Variants in SLC28A3 observed in about 807,000 individuals in gnomAD.
The protein encoded by SLC28A3 is concentrative Na(+)-nucleoside cotransporter 3.
In SLC28A3, 68 loss-of-function variants were observed where a neutral mutation model predicts 84.2. The ratio of observed to expected loss-of-function variants is 0.81; its 90% CI spans 0.66 to 0.99. The LOEUF is 0.99. Among genes scored for constraint, SLC28A3 ranks in the 50% least tolerant of loss-of-function variants. The pLI is 0.00. For synonymous variants in SLC28A3, 267 were observed against 303.6 expected (o/e 0.88, Z 1.25); for missense variants, 712 against 841.5 (o/e 0.85, Z 1.90).
rs564329835 is a variant in SLC28A3 at position 84,297,357 on chromosome 9, T to C, written c.784-59A>G. ...AACCACATGACTGGAAATTAGACAGTGCACAGGAATGCTAGGCTCTCAGAG... is the reference window on the plus strand; with the variant it reads ...AACCACATGACTGGAAATTAGACAGCGCACAGGAATGCTAGGCTCTCAGAG... On this transcript the variant is annotated intron_variant, in intron 7 of 17. Coordinates refer to ENST00000376238, the MANE Select transcript of SLC28A3 (RefSeq NM_001199633.2). 2.5e-5 allele frequency: 34 copies of C among 1,338,868 alleles called. No homozygotes were observed. In the East Asian group the frequency reaches 3.9e-4, roughly 15 times the overall value. The allele number at this position is 1,338,868 out of a possible 1,614,324, so 82.9% of individuals were successfully genotyped here.
At chr9:84,341,747 G>C (rs1220121098), upstream of SLC28A3, among the ~76,000 whole-genome samples, 2 of 152,034 alleles carry the variant, frequency 1.3e-5, no homozygotes, top group Non-Finnish European at 2.9e-5. Flanking sequence ...AATTCACTTT[G>C]CTTTATGAAA....
At chr9:84,367,724 G>C in the SLC28A3 span, among the ~76,000 whole-genome samples, 9 of 152,284 alleles carry the variant, frequency 5.9e-5, no homozygotes, top group Non-Finnish European at 1.3e-4. Flanking sequence ...CAAGTAATCT[G>C]CATCATAAAT....
intron 4 of SLC28A3, 84 bp downstream of exon 4, chr9:84,305,170 T>A: frequency 8.7e-7 from 1 of 1,148,360 alleles, no homozygotes; most frequent in Admixed American, 2.3e-5. Flanking sequence ...TTAATCTTTT[T>A]CCACATAAAG....
intron 4 of SLC28A3, among the ~76,000 whole-genome samples, chr9:84,303,139 A>G (rs1825686502): frequency 6.6e-6 from 1 of 152,196 alleles, no homozygotes; most frequent in African/African-American, 2.4e-5. Flanking sequence ...TGAGTTCCCA[A>G]CCATGACAGG....
intron 1 of SLC28A3, among the ~76,000 whole-genome samples, chr9:84,330,623 T>C (rs1294125600): frequency 6.6e-6 from 1 of 152,216 alleles, no homozygotes; most frequent in East Asian, 1.9e-4. Flanking sequence ...AACTTGATTA[T>C]GAATCTACTT....
intron 8 of SLC28A3, 40 bp downstream of exon 8, chr9:84,297,181 G>A: frequency 6.4e-7 from 1 of 1,553,074 alleles, no homozygotes. Flanking sequence ...AGAAGCCGCT[G>A]AAATAGCAGC....
At position 84,302,270 on chromosome 9, in the gene SLC28A3, C is replaced by T. The variant is rs960470501; in HGVS notation, c.454G>A (p.Glu152Lys). Residue 152 changes from glutamate to lysine, a missense_variant, in exon 5 of 18, where the codon GAA (glutamate) becomes AAA (lysine). By Grantham distance (56) the Glu-to-Lys change is moderately conservative. Transcript: ENST00000376238. ...GACAGCATCTCATCAATTCGATGTT[C>T]GTATTTGGCCATCAGGTGATCCCAG... is the stretch of plus-strand genomic sequence containing the variant. ...VVWDHLMAKY[E>K]HRIDEMLSPG... 9 of 1,614,120 alleles carry T rather than the reference C, an allele frequency of 5.6e-6. No homozygotes were observed. The highest frequency in any genetic ancestry group is 1.1e-5 in the South Asian group (1 of 91,082).
At chr9:84,346,736 T>G in the SLC28A3 span, among the ~76,000 whole-genome samples, 3 of 152,096 alleles carry the variant, frequency 2.0e-5, no homozygotes, top group African/African-American at 7.2e-5. Context: ...TGCAGTTAGG[T>G]TTTTTCCCTG....
chr9:84,329,886 A>G (rs1826711422), intron 1 of SLC28A3, among the ~76,000 whole-genome samples: 1 of 151,990 alleles, frequency 6.6e-6, no homozygotes, highest in Admixed American at 6.6e-5. Flanking sequence ...TAAATAAATA[A>G]CAAAAATGAA....
At chr9:84,347,191 G>A in the SLC28A3 span, among the ~76,000 whole-genome samples, 1 of 113,224 alleles carries the variant, frequency 8.8e-6, no homozygotes, top group African/African-American at 3.9e-5. Context: ...GGGCAACAGA[G>A]CAAGACTCTG....
intron 2 of SLC28A3, 57 bp from the exon 3 acceptor site, chr9:84,309,771 C>A: frequency 6.8e-7 from 1 of 1,476,188 alleles, no homozygotes; most frequent in Non-Finnish European, 9.4e-7. Context: ...GCATAATGGA[C>A]CCTGGTTTCA....
At chr9:84,320,514 T>TACGTAAACTGTTCCTCCTTCC (rs1221147400) in intron 1 of SLC28A3, among the ~76,000 whole-genome samples, 4 of 152,158 alleles carry the variant, frequency 2.6e-5, no homozygotes, top group African/African-American at 9.7e-5. Flanking sequence ...TTCCTCCTTC[T>TACGTAAACTGTTCCTCCTTCC]ACTTAAACTG....
intron 3 of SLC28A3, 41 bp downstream of exon 3, chr9:84,309,588 G>T (rs370747391): frequency 2.9e-6 from 4 of 1,379,584 alleles, no homozygotes; most frequent in Non-Finnish European, 4.1e-6. Context: ...AAAACCAAAC[G>T]GGAGGTAGGC....
chr9:84,297,096 C>T (rs555573120), intron 8 of SLC28A3, 125 bp downstream of exon 8: 91 of 639,300 alleles, frequency 1.4e-4, no homozygotes, highest in East Asian at 1.4e-3. Flanking sequence ...TGATGTATTG[C>T]ACACCTCTGA....
chr9:84,340,830 G>A, upstream of SLC28A3: 1 of 589,266 alleles, frequency 1.7e-6, no homozygotes, highest in South Asian at 2.2e-5. Context: ...GAGGCGGGCG[G>A]GTTGGCGGGG....
chr9:84,300,149 T>C (rs1388867712), intron 5 of SLC28A3, among the ~76,000 whole-genome samples: 1 of 152,186 alleles, frequency 6.6e-6, no homozygotes, highest in Non-Finnish European at 1.5e-5. Flanking sequence ...CTGGCACCAG[T>C]AGGTTGTGCG....
the SLC28A3 span, among the ~76,000 whole-genome samples, chr9:84,348,588 A>G: frequency 6.6e-6 from 1 of 152,162 alleles, no homozygotes; most frequent in Admixed American, 6.5e-5. Flanking sequence ...TCTGCTGTGG[A>G]TTGAATATGT....
chr9:84,307,990 A>G (rs1342044899), intron 3 of SLC28A3, among the ~76,000 whole-genome samples: 1 of 152,236 alleles, frequency 6.6e-6, no homozygotes, highest in Admixed American at 6.5e-5. Flanking sequence ...AGTAAAATGA[A>G]GGATAAAACT....
chr9:84,321,733 CAAAAAAAAAAAA>C (rs10707383), intron 1 of SLC28A3, among the ~76,000 whole-genome samples: 1,556 of 65,150 alleles, frequency 0.024, 39 homozygotes, highest in African/African-American at 0.078. Context: ...GACTCCGTCT[CAAAAAAAAAAAA>C]AAAAAAAAAA....
Sources: gnomAD v4.1 joint callset for allele counts (sites outside exome capture counted in the v4.1 genomes callset) on GRCh38, gnomAD v4.1.1 for gene constraint, MANE v1.5 for transcripts, NCBI Gene and HGNC (gene_info 2026-07-23, HGNC 2026-07-21) for gene names.